FLNB: variants seen among roughly 807,000 people sequenced by gnomAD.
FLNB encodes filamin-B.
In FLNB, 111 loss-of-function variants were observed where a neutral mutation model predicts 250.6. That is an observed-to-expected ratio of 0.44 (90% CI 0.38 to 0.52). The LOEUF is 0.52. Among genes scored for constraint, FLNB ranks in the 20% least tolerant of loss-of-function variants. FLNB has a pLI of 0.00. For missense variants in FLNB, 2,869 were observed against 3,447.8 expected (o/e 0.83, Z 4.20); for synonymous variants, 1,302 against 1,372.1 (o/e 0.95, Z 1.13).
rs559606071 is a variant in FLNB, at chr3:58,028,061, A to G, written c.292+19205A>G. ...TGCTCAGGAGGATTGAGAAAGAACT[A>G]GGAGAACTGGGAAGAGAATAACGTC... On this transcript the variant is annotated intron_variant, in intron 1 of 45. Transcript: ENST00000295956. 5.9e-5 allele frequency among the ~76,000 whole-genome samples: 9 copies of G among 152,370 alleles called. No homozygotes were observed. In the South Asian group the frequency reaches 1.0e-3, roughly 18 times the overall value.
At chr3:58,121,132 G>C in intron 19 of FLNB, 109 bp from the exon 20 acceptor site, 1 of 1,392,156 alleles carries the variant, frequency 7.2e-7, no homozygotes, top group South Asian at 1.2e-5. Context: ...GCTTACAGTG[G>C]AGGCTGAGAT....
chr3:58,155,493 G>A (rs143239275), intron 40 of FLNB, among the ~76,000 whole-genome samples: 1 of 152,222 alleles, frequency 6.6e-6, no homozygotes, highest in Non-Finnish European at 1.5e-5. Context: ...TTTGGTGACA[G>A]TATATTAACT....
In FLNB at chr3:58,166,094, C is replaced by T. The variant is rs2097369888; in HGVS notation, c.7199-2346C>T. 2.6e-5 allele frequency: 4 copies of T among 152,306 alleles called. No homozygotes were observed. The South Asian group carries it at 8.3e-4, about 32-fold the overall frequency. The allele number at this position is 152,306 out of a possible 1,614,324, so 9.4% of individuals were successfully genotyped here. A position where few individuals can be genotyped will look rare whatever the true frequency, so the allele number is the denominator to read the frequency against. On this transcript the variant is annotated intron_variant, in intron 43 of 45. Coordinates refer to ENST00000295956, the MANE Select transcript of FLNB (RefSeq NM_001457.4). ...TGACTCCAGATGAATTATCTGACTT[C>T]ACTGTGCCTCTGCTTCCTTTCCTGT...
At chr3:58,104,118 G>A (rs767516205) in intron 10 of FLNB, 33 bp downstream of exon 10, 3 of 1,612,596 alleles carry the variant, frequency 1.9e-6, no homozygotes, top group East Asian at 4.5e-5. Context: ...GTCTTCTCTG[G>A]AGGGTGCTCG....
At chr3:58,009,223 G>T (rs951485124) in intron 1 of FLNB, among the ~76,000 whole-genome samples, 7 of 152,192 alleles carry the variant, frequency 4.6e-5, no homozygotes, top group Non-Finnish European at 8.8e-5. Flanking sequence ...GCGGGCCCTA[G>T]GGTCAGATGC....
chr3:58,148,346 C>G lies in FLNB; in HGVS notation c.5869C>G (p.Leu1957Val), dbSNP rs1481182480. 3.7e-6 allele frequency: 6 copies of G among 1,613,806 alleles called. No homozygotes were observed. The highest frequency in any genetic ancestry group is 5.1e-6 in the Non-Finnish European group (6 of 1,179,922). The change falls in exon 35 of 46, where the codon CTG becomes GTG. Residue 1957 changes from leucine to valine, a missense_variant. Leu to Val is a conservative substitution (Grantham distance 32). Coordinates refer to ENST00000295956, the MANE Select transcript of FLNB (RefSeq NM_001457.4). ...AGACGAGCCCTGTCTCCTGAAGAGG[C>G]TGCCCAACAACCACATTGGTGAGCT... ...GRDEPCLLKR[L>V]PNNHIGISFI...
chr3:58,070,117 C>T (rs1040802255), intron 1 of FLNB, among the ~76,000 whole-genome samples: 10 of 147,008 alleles, frequency 6.8e-5, no homozygotes, highest in Admixed American at 1.4e-4. Flanking sequence ...GGTGTGATCT[C>T]GGATCACTGC....
chr3:58,148,941 C>T lies in FLNB; in HGVS notation c.6091+89C>T. 2.6e-6 allele frequency: 3 copies of T among 1,164,306 alleles called. No homozygotes were observed. The South Asian group carries it at 3.7e-5, about 14-fold the overall frequency. The allele number at this position is 1,164,306 out of a possible 1,614,324, so 72.1% of individuals were successfully genotyped here. On this transcript the variant is annotated intron_variant, in intron 36 of 45. Transcript: ENST00000295956. ...CGTCATCTTTTCATCCTACCAACTC[C>T]TTTTCCTTTCTGAGCATCCTTCAAG...
intron 3 of FLNB, among the ~76,000 whole-genome samples, chr3:58,079,398 G>T (rs1425748465): frequency 6.6e-6 from 1 of 151,932 alleles, no homozygotes; most frequent in South Asian, 2.1e-4. Flanking sequence ...GATTATAGGT[G>T]CGCACCACCA....
Position 58,163,709 on chromosome 3 carries a change from C to A in FLNB, c.7198+379C>A. 7.7e-6 allele frequency: 2 copies of A among 261,138 alleles called. 1 individual carries two copies. Among genetic ancestry groups the A allele is most frequent in the South Asian group, 9.7e-5 (2 of 20,692 alleles). The allele number at this position is 261,138 out of a possible 1,614,324, so 16.2% of individuals were successfully genotyped here. A position where few individuals can be genotyped will look rare whatever the true frequency, so the allele number is the denominator to read the frequency against. On this transcript the variant is annotated intron_variant, in intron 43 of 45. Transcript: ENST00000295956. Reference sequence around the variant, plus strand: ...TGATGCGTCCAAGTGGGCTCCTACCCGTCTGTTCTTTCATGGTACCAGGCT... The same window carrying A: ...TGATGCGTCCAAGTGGGCTCCTACCAGTCTGTTCTTTCATGGTACCAGGCT...
In FLNB at chr3:58,170,859, C is replaced by A; in HGVS notation, c.*97C>A. The A allele has an allele frequency of 8.9e-7, 1 of 1,128,838 alleles. No homozygotes were observed. The highest frequency in any genetic ancestry group is 1.3e-6 in the Non-Finnish European group (1 of 764,480). 69.9% of individuals were successfully genotyped at this position (1,128,838 alleles called of 1,614,324 possible). Reference sequence around the variant, plus strand: ...AAAGCCCTCCAGCCTGTTTGTGGGGCTGAAACCCCATCCCTAAAATATTGC... The same window carrying A: ...AAAGCCCTCCAGCCTGTTTGTGGGGATGAAACCCCATCCCTAAAATATTGC... On this transcript the variant is annotated 3_prime_UTR_variant, in exon 46 of 46. Coordinates refer to ENST00000295956, the MANE Select transcript of FLNB (RefSeq NM_001457.4).
intron 1 of FLNB, among the ~76,000 whole-genome samples, chr3:58,016,911 A>G (rs759871874): frequency 2.0e-5 from 3 of 152,228 alleles, no homozygotes; most frequent in Non-Finnish European, 4.4e-5. Context: ...ACTAGAAGCC[A>G]TCTTACATTA....
intron 1 of FLNB, among the ~76,000 whole-genome samples, chr3:58,019,732 A>G (rs536524379): frequency 7.8e-4 from 118 of 152,226 alleles, no homozygotes; most frequent in Non-Finnish European, 1.3e-3. Flanking sequence ...CGCTTGATTC[A>G]TGTGAAACTG....
In FLNB at chr3:58,150,230, G is replaced by A. The variant is rs1239287078; in HGVS notation, c.6367+3G>A. 6.2e-7 allele frequency: 1 copy of A among 1,614,172 alleles called. No individual in the cohort carries two copies. The highest frequency in any genetic ancestry group is 1.7e-5 in the Admixed American group (1 of 60,036). ...TGACCTGAACCTGAAAATCCCAGGT[G>A]GGCGTCGGGGACTAGTAGGGTGGGG... On this transcript the variant is annotated splice_donor_region_variant and intron_variant, in intron 38 of 45. Coordinates refer to ENST00000295956, the MANE Select transcript of FLNB (RefSeq NM_001457.4).
intron 1 of FLNB, among the ~76,000 whole-genome samples, chr3:58,044,128 A>C (rs2097150115): frequency 6.6e-6 from 1 of 152,022 alleles, no homozygotes; most frequent in Non-Finnish European, 1.5e-5. Context: ...GTCAGGTTCC[A>C]CCCCAGTCCA....
chr3:58,121,357 A>C lies in FLNB; in HGVS notation c.2980A>C (p.Thr994Pro). The change falls in exon 20 of 46, where the codon ACA (threonine) becomes CCA (proline). Residue 994 changes from threonine to proline, a missense_variant. By Grantham distance (38) the Thr-to-Pro change is conservative. Transcript: ENST00000295956. Reference sequence around the variant, plus strand: ...TCGGAAGGTCGTGCCATGCCTAGTGACACCTGTGACAGGCCGGGAGAACAG... The same window carrying C: ...TCGGAAGGTCGTGCCATGCCTAGTGCCACCTGTGACAGGCCGGGAGAACAG... ...PSRKVVPCLV[T>P]PVTGRENSTA... 1 of 1,614,148 alleles carries C rather than the reference A, an allele frequency of 6.2e-7. No individual in the cohort carries two copies. The highest frequency in any genetic ancestry group is 1.3e-5 in the African/African-American group (1 of 75,022).
chr3:58,155,784 C>G (rs574711862), intron 40 of FLNB, among the ~76,000 whole-genome samples, 176 bp from the exon 41 acceptor site: 2 of 152,236 alleles, frequency 1.3e-5, no homozygotes, highest in Admixed American at 1.3e-4. Context: ...CTGGCCTTAC[C>G]CCACTAAGGA....
At position 58,098,703 on chromosome 3, in the gene FLNB, T is replaced by G. The variant is rs376416099; in HGVS notation, c.1148-8T>G. On this transcript the variant is annotated splice_region_variant and splice_polypyrimidine_tract_variant and intron_variant, in intron 7 of 45. Coordinates refer to ENST00000295956, the MANE Select transcript of FLNB (RefSeq NM_001457.4). ...ACTTGGGCTCATGGAATGCTTGCTT[T>G]CTTGTAGGAGCTGGTGTGGGTGACA... 37 of 1,614,062 alleles carry G rather than the reference T, an allele frequency of 2.3e-5. No individual in the cohort carries two copies. The East Asian group carries it at 5.3e-4, about 23-fold the overall frequency.
intron 1 of FLNB, among the ~76,000 whole-genome samples, chr3:58,011,629 C>T (rs2097099163): frequency 6.6e-6 from 1 of 152,208 alleles, no homozygotes; most frequent in Admixed American, 6.5e-5. Flanking sequence ...AAGTTACCTC[C>T]AGCTTGGACT....
Sources: allele counts gnomAD v4.1 joint callset (sites outside exome capture counted in the v4.1 genomes callset), GRCh38; gene constraint gnomAD v4.1.1; transcripts MANE v1.5; gene names NCBI Gene and HGNC (gene_info 2026-07-23, HGNC 2026-07-21).